The following ST3GAL5 variants were observed in gnomAD, a reference collection of about 807,000 sequenced individuals.
The protein encoded by ST3GAL5 is ST3 beta-galactoside alpha-2,3-sialyltransferase 5.
In ST3GAL5, 25 loss-of-function variants were observed where a neutral mutation model predicts 46.1. That is an observed-to-expected ratio of 0.54 (90% CI 0.40 to 0.76). The LOEUF is 0.76. ST3GAL5 is among the 30% of genes least tolerant of loss of function. ST3GAL5 has a pLI of 0.00. For synonymous variants in ST3GAL5, 182 were observed against 192.7 expected (o/e 0.94, Z 0.46); for missense variants, 431 against 521.2 (o/e 0.83, Z 1.69).
At chr2:85,861,978 G>GA (rs1351067421) in intron 2 of ST3GAL5, among the ~76,000 whole-genome samples, 1 of 150,740 alleles carries the variant, frequency 6.6e-6, no homozygotes. Flanking sequence ...TTCTGTTCTT[G>GA]AAAAAACAAA....
At chr2:85,864,583 C>CA (rs71392946) in intron 1 of ST3GAL5, among the ~76,000 whole-genome samples, 62,197 of 125,618 alleles carry the variant, frequency 0.5, 13,300 homozygotes, top group East Asian at 0.61. Flanking sequence ...AGTGTTACAT[C>CA]AAAAAAAAAA....
intron 3 of ST3GAL5, among the ~76,000 whole-genome samples, chr2:85,860,347 C>T (rs1438627147): frequency 6.6e-6 from 1 of 152,128 alleles, no homozygotes; most frequent in Non-Finnish European, 1.5e-5. Flanking sequence ...ATATATAAAG[C>T]ATCCATACAT....
intron 3 of ST3GAL5, chr2:85,853,089 G>C: frequency 7.7e-7 from 1 of 1,303,838 alleles, no homozygotes; most frequent in South Asian, 1.2e-5. Context: ...AGGGAGATAA[G>C]GTCTTTAGCT....
intron 1 of ST3GAL5, among the ~76,000 whole-genome samples, chr2:85,876,958 A>T (rs139177767): frequency 6.6e-6 from 1 of 152,320 alleles, no homozygotes; most frequent in Non-Finnish European, 1.5e-5. Context: ...ATAATTTCAA[A>T]CTTAAAGTTG....
intron 5 of ST3GAL5, 100 bp from the exon 6 acceptor site, chr2:85,844,654 C>T (rs1682556589): frequency 8.6e-6 from 13 of 1,513,624 alleles, no homozygotes; most frequent in African/African-American, 2.7e-5. Context: ...CCCCATGTGG[C>T]CCTGTGCACT....
At chr2:85,858,467 C>T (rs552175998) in intron 3 of ST3GAL5, among the ~76,000 whole-genome samples, 13 of 152,298 alleles carry the variant, frequency 8.5e-5, no homozygotes, top group East Asian at 3.9e-4. Context: ...CCTGCCACCA[C>T]GCCCAGCTAA....
At chr2:85,881,175 T>C (rs562654607) in intron 1 of ST3GAL5, among the ~76,000 whole-genome samples, 1 of 152,340 alleles carries the variant, frequency 6.6e-6, no homozygotes, top group Non-Finnish European at 1.5e-5. Flanking sequence ...AAGAAGTGCC[T>C]TTTGCCCTCT....
chr2:85,880,864 T>C (rs11127009), intron 1 of ST3GAL5: 274,262 of 511,314 alleles, frequency 0.54, 75,358 homozygotes, highest in Admixed American at 0.68. Context: ...TTTTAAAAAA[T>C]AGACAAGTAG....
At chr2:85,863,513 G>A (rs1413028798) in intron 1 of ST3GAL5, 28 bp from the exon 2 acceptor site, 1 of 1,613,142 alleles carries the variant, frequency 6.2e-7, no homozygotes, top group Non-Finnish European at 8.5e-7. Context: ...GAGGGCAGTG[G>A]GGAAAAAGAG....
intron 4 of ST3GAL5, chr2:85,847,531 A>G: frequency 9.1e-7 from 1 of 1,096,620 alleles, no homozygotes. Context: ...CTGTTCCTGG[A>G]GCCACACTGA....
chr2:85,850,911 CTTTT>C (rs201525823), intron 3 of ST3GAL5: 1 of 139,078 alleles, frequency 7.2e-6, no homozygotes, highest in Non-Finnish European at 1.6e-5. Flanking sequence ...TAATTTTCTT[CTTTT>C]TTTTTCTTTT....
At chr2:85,848,399 CA>C in intron 3 of ST3GAL5, 195 bp from the exon 4 acceptor site, 1 of 1,539,040 alleles carries the variant, frequency 6.5e-7, no homozygotes, top group Non-Finnish European at 8.8e-7. Flanking sequence ...AATCACATGA[CA>C]AGGAGATAAA....
In ST3GAL5 at chr2:85,840,111, T is replaced by C. The variant is rs375633999; in HGVS notation, c.*33A>G. The C allele has an allele frequency of 1.9e-6, 3 of 1,614,044 alleles. No homozygotes were observed. The highest frequency in any genetic ancestry group is 4.5e-5 in the East Asian group (2 of 44,906). ...GGCTGTCAAAAACAGCTCTCAGAGT[T>C]AGAGTTGCATTTTCAACTGAGGTTT... is the stretch of plus-strand genomic sequence containing the variant. On this transcript the variant is annotated 3_prime_UTR_variant, in exon 7 of 7. Transcript: ENST00000638572.
chr2:85,863,246 G>T, intron 2 of ST3GAL5, 116 bp downstream of exon 2: 1 of 1,586,316 alleles, frequency 6.3e-7, no homozygotes, highest in South Asian at 1.1e-5. Flanking sequence ...GGCATCCTTT[G>T]ACCAAGCATG....
At chr2:85,840,450 T>C in intron 6 of ST3GAL5, 58 bp from the exon 7 acceptor site, 2 of 1,588,916 alleles carry the variant, frequency 1.3e-6, no homozygotes, top group Middle Eastern at 1.7e-4. Flanking sequence ...AAGTCACCAT[T>C]TTGCTGGTAT....
At position 85,861,296 on chromosome 2, in the gene ST3GAL5, GA is replaced by G. The variant is rs769287782; in HGVS notation, c.207-5del. On this transcript the variant is annotated splice_region_variant and splice_polypyrimidine_tract_variant and intron_variant, in intron 2 of 6. Coordinates refer to ENST00000638572, the MANE Select transcript of ST3GAL5 (RefSeq NM_003896.4). ...TCCAAACACAAGCAATGTACATCTG[GA>G]AAAAAATCAATTAGGTATTATGATG... The G allele has an allele frequency of 7.0e-6, 11 of 1,572,664 alleles. No homozygotes were observed. The highest frequency in any genetic ancestry group is 5.4e-5 in the African/African-American group (4 of 73,968).
chr2:85,846,647 C>T lies in ST3GAL5; in HGVS notation c.663-84G>A, dbSNP rs1392419049. On this transcript the variant is annotated intron_variant, in intron 4 of 6. Transcript: ENST00000638572. The stretch of plus-strand genomic sequence containing the variant: ...ACACCAGGCAGTATCCATGTCATGT[C>T]CTCCACGTCTTCTTATGACTAAGAA... The T allele has an allele frequency of 3.0e-6, 4 of 1,321,086 alleles. No individual in the cohort carries two copies. The African/African-American group carries it at 4.3e-5, about 14-fold the overall frequency. The allele number at this position is 1,321,086 out of a possible 1,614,324, so 81.8% of individuals were successfully genotyped here.
chr2:85,859,247 A>G (rs1345932543), intron 3 of ST3GAL5, among the ~76,000 whole-genome samples: 5 of 152,212 alleles, frequency 3.3e-5, no homozygotes, highest in Non-Finnish European at 5.9e-5. Context: ...GACAGGAAAA[A>G]GAGGATGCAA....
At chr2:85,842,917 C>A (rs921012340) in intron 6 of ST3GAL5, among the ~76,000 whole-genome samples, 5 of 152,080 alleles carry the variant, frequency 3.3e-5, no homozygotes, top group East Asian at 1.9e-4. Context: ...CGCGCCACCA[C>A]GCCTGGCTAA....
Sources: allele counts gnomAD v4.1 joint callset (sites outside exome capture counted in the v4.1 genomes callset), GRCh38; gene constraint gnomAD v4.1.1; transcripts MANE v1.5; gene names NCBI Gene and HGNC (gene_info 2026-07-23, HGNC 2026-07-21).